The following SUPT3H variants were observed in gnomAD, a reference collection of about 807,000 sequenced individuals.
SUPT3H encodes the protein SPT3 homolog, SAGA and STAGA complex component, also known as transcription initiation protein SPT3 homolog.
SUPT3H carries 44 observed loss-of-function variants against 44.3 expected under a neutral mutation model. That is an observed-to-expected ratio of 0.99 (90% CI 0.78 to 1.28). The LOEUF is 1.28. SUPT3H is among the 50% of genes most tolerant of loss of function. The pLI is 0.00. For synonymous variants in SUPT3H, 124 were observed against 125.6 expected, an observed-to-expected ratio of 0.99 and a Z score of 0.09; for missense variants, 380 against 387.1, an observed-to-expected ratio of 0.98 and a Z score of 0.15.
intron 9 of SUPT3H, among the ~76,000 whole-genome samples, chr6:44,938,992 A>G (rs906817369): frequency 3.9e-5 from 6 of 152,176 alleles, no homozygotes; most frequent in Admixed American, 6.5e-5. Flanking sequence ...TTTTCTAGAT[A>G]TAAGATCATA....
At chr6:45,305,119 T>TTATA (rs1224258608) in intron 2 of SUPT3H, among the ~76,000 whole-genome samples, 1 of 152,214 alleles carries the variant, frequency 6.6e-6, no homozygotes, top group Non-Finnish European at 1.5e-5. Context: ...ACATGGCTAA[T>TTATA]TATAGTTTGT....
chr6:45,282,876 C>T (rs532495707), intron 2 of SUPT3H, among the ~76,000 whole-genome samples: 23 of 152,326 alleles, frequency 1.5e-4, no homozygotes, highest in Admixed American at 3.9e-4. Context: ...ATCAGACTAA[C>T]GGCTGATCTC....
At chr6:45,038,548 TAGTA>T (rs1295467624) in intron 3 of SUPT3H, among the ~76,000 whole-genome samples, 3 of 152,164 alleles carry the variant, frequency 2.0e-5, no homozygotes, top group African/African-American at 7.2e-5. Context: ...TAATATTGGT[TAGTA>T]AGTGACTGAG....
chr6:44,879,521 T>C (rs758882763), intron 10 of SUPT3H, among the ~76,000 whole-genome samples: 2 of 152,208 alleles, frequency 1.3e-5, no homozygotes, highest in African/African-American at 2.4e-5. Flanking sequence ...TAAATATTCC[T>C]GCCTGCTGGT....
At chr6:45,047,318 G>C (rs1157346941) in intron 3 of SUPT3H, among the ~76,000 whole-genome samples, 2 of 152,162 alleles carry the variant, frequency 1.3e-5, no homozygotes, top group African/African-American at 4.8e-5. Context: ...GCTTTACTAA[G>C]TAGGTTTGTA....
At chr6:45,022,417 T>A in intron 3 of SUPT3H, among the ~76,000 whole-genome samples, 1 of 262 alleles carries the variant, frequency 3.8e-3, no homozygotes, top group East Asian at 0.5. Context: ...GAATCACTGT[T>A]TTTTTTTTTT....
At chr6:44,855,631 G>A (rs931814826) in intron 10 of SUPT3H, among the ~76,000 whole-genome samples, 4 of 151,668 alleles carry the variant, frequency 2.6e-5, no homozygotes, top group East Asian at 1.9e-4. Context: ...GTGTGTAGAC[G>A]ATAATGCAGA....
rs138497216 is a variant in SUPT3H, at chr6:45,266,225, G to A, written c.101+98976C>T. Among the ~76,000 whole-genome samples the A allele has an allele frequency of 5.5e-4, 84 of 151,690 alleles. 2 individuals are homozygous for A. The East Asian group carries it at 0.012, about 22-fold the overall frequency. On this transcript the variant is annotated intron_variant, in intron 2 of 10. Transcript: ENST00000371459. ...CAAAATGGATTTAGCCGTTATTCCCGGGAGAATTACTTTACAATTCCAAAT... is the reference window on the plus strand; with the variant it reads ...CAAAATGGATTTAGCCGTTATTCCCAGGAGAATTACTTTACAATTCCAAAT...
At chr6:45,101,806 CA>C (rs1160898591) in intron 3 of SUPT3H, among the ~76,000 whole-genome samples, 8 of 150,052 alleles carry the variant, frequency 5.3e-5, no homozygotes, top group East Asian at 3.9e-4. Flanking sequence ...TAATAAAAAA[CA>C]AAAAAAAACC....
intron 6 of SUPT3H, among the ~76,000 whole-genome samples, chr6:44,979,237 A>G (rs1275498385): frequency 1.3e-5 from 2 of 152,178 alleles, no homozygotes; most frequent in Admixed American, 6.5e-5. Flanking sequence ...CGCAGAACGA[A>G]TATTTTGATT....
chr6:45,285,786 G>C (rs55951053), intron 2 of SUPT3H, among the ~76,000 whole-genome samples: 1,778 of 152,216 alleles, frequency 0.012, 46 homozygotes, highest in African/African-American at 0.041. Flanking sequence ...GCATTGCCAA[G>C]TCAATCCTAA....
chr6:45,042,907 A>G (rs1224006501), intron 3 of SUPT3H, among the ~76,000 whole-genome samples: 9 of 152,222 alleles, frequency 5.9e-5, no homozygotes, highest in Non-Finnish European at 1.3e-4. Flanking sequence ...TAATGCTTAA[A>G]AAAACTGCTA....
rs1458040219 is a variant in SUPT3H at position 45,088,910 on chromosome 6, A to C, written c.186+17012T>G. Among the ~76,000 whole-genome samples the C allele has an allele frequency of 2.0e-5, 3 of 152,240 alleles. No individual in the cohort carries two copies. In the South Asian group the frequency reaches 6.2e-4, roughly 32 times the overall value. Reference sequence around the variant, plus strand: ...GAACTATTGTTTACAGGTAGTAAGCATAAGTAGTTGAAGCTAAAACAAAAT... The same window carrying C: ...GAACTATTGTTTACAGGTAGTAAGCCTAAGTAGTTGAAGCTAAAACAAAAT... On this transcript the variant is annotated intron_variant, in intron 3 of 10. Coordinates refer to ENST00000371459, the MANE Select transcript of SUPT3H (RefSeq NM_003599.4).
downstream of SUPT3H, among the ~76,000 whole-genome samples, chr6:44,824,493 T>TA (rs571724133): frequency 4.2e-4 from 63 of 150,540 alleles, no homozygotes; most frequent in Admixed American, 2.0e-3. Flanking sequence ...GACCCCATCT[T>TA]AAAAAAAAAA....
intron 2 of SUPT3H, among the ~76,000 whole-genome samples, chr6:45,215,349 A>G (rs1294957751): frequency 1.3e-5 from 2 of 152,182 alleles, no homozygotes; most frequent in Non-Finnish European, 1.5e-5. Context: ...ACCCTAATGA[A>G]AAAGATAACT....
At chr6:44,951,038 T>C (rs574790919) in intron 9 of SUPT3H, among the ~76,000 whole-genome samples, 5 of 152,104 alleles carry the variant, frequency 3.3e-5, no homozygotes, top group Admixed American at 6.5e-5. Flanking sequence ...AATTTTCTAA[T>C]CCAAATGCCT....
At chr6:44,848,630 C>T (rs1399952297) in intron 10 of SUPT3H, among the ~76,000 whole-genome samples, 2 of 152,082 alleles carry the variant, frequency 1.3e-5, no homozygotes, top group Non-Finnish European at 2.9e-5. Context: ...TTCCTGTGAG[C>T]TGACTTACAA....
At chr6:45,070,651 C>G (rs1288817987) in intron 3 of SUPT3H, among the ~76,000 whole-genome samples, 3 of 144,152 alleles carry the variant, frequency 2.1e-5, no homozygotes, top group African/African-American at 7.7e-5. Flanking sequence ...AGGAGAATCA[C>G]TTGAACCTGG....
At position 44,899,923 on chromosome 6, in the gene SUPT3H, T is replaced by C. The variant is rs116554763; in HGVS notation, c.912+32730A>G. On this transcript the variant is annotated intron_variant, in intron 10 of 10. Coordinates refer to ENST00000371459, the MANE Select transcript of SUPT3H (RefSeq NM_003599.4). The stretch of plus-strand genomic sequence containing the variant: ...GGTGGAATGTAGATGGAGACAACCT[T>C]CAAGTGATAATGTCATTGTTTTCTT... 5.3e-3 allele frequency among the ~76,000 whole-genome samples: 807 copies of C among 152,300 alleles called. 5 individuals are homozygous for C. Among genetic ancestry groups the C allele is most frequent in the African/African-American group, 0.018 (753 of 41,576 alleles).
Sources: gnomAD v4.1 joint callset for allele counts (sites outside exome capture counted in the v4.1 genomes callset) on GRCh38, gnomAD v4.1.1 for gene constraint, MANE v1.5 for transcripts, NCBI Gene and HGNC (gene_info 2026-07-23, HGNC 2026-07-21) for gene names.